Variants in PTPN3 observed in about 807,000 individuals in gnomAD.
PTPN3 encodes the protein tyrosine-protein phosphatase non-receptor type 3.
PTPN3 carries 96 observed loss-of-function variants against 132.7 expected under a neutral mutation model. The ratio of observed to expected loss-of-function variants is 0.72; its 90% CI spans 0.61 to 0.86. The LOEUF (loss-of-function observed/expected upper bound fraction) is 0.86. PTPN3 is among the 40% of genes least tolerant of loss of function. PTPN3 has a pLI of 0.00. For synonymous variants in PTPN3, 398 were observed against 429.0 expected, an observed-to-expected ratio of 0.93 and a Z score of 0.89; for missense variants, 1,125 against 1,159.6, an observed-to-expected ratio of 0.97 and a Z score of 0.43.
chr9:109,379,733 C>T (rs1237441106), intron 25 of PTPN3, 100 bp from the exon 26 acceptor site: 2 of 1,020,654 alleles, frequency 2.0e-6, no homozygotes, highest in Non-Finnish European at 3.0e-6. Flanking sequence ...TAAATATTCC[C>T]TGAGCGCCAA....
intron 24 of PTPN3, 41 bp from the exon 25 acceptor site, chr9:109,381,828 T>C: frequency 2.5e-6 from 4 of 1,612,542 alleles, no homozygotes; most frequent in Non-Finnish European, 3.4e-6. Flanking sequence ...TTTGTCTGAG[T>C]AGCCTTTCTG....
At chr9:109,415,813 G>A (rs1564414741) in intron 14 of PTPN3, among the ~76,000 whole-genome samples, 1 of 152,196 alleles carries the variant, frequency 6.6e-6, no homozygotes. Context: ...CTGAAACAAT[G>A]GCCCCCCTTA....
intron 9 of PTPN3, among the ~76,000 whole-genome samples, chr9:109,434,853 A>C (rs1427145098): frequency 6.6e-6 from 1 of 152,224 alleles, no homozygotes; most frequent in African/African-American, 2.4e-5. Flanking sequence ...GGAAGACATA[A>C]GAAACGTCCA....
chr9:109,533,041 C>T, the PTPN3 span: 3 of 303,324 alleles, frequency 9.9e-6, no homozygotes, highest in Admixed American at 1.2e-4. Context: ...CTGCAACCTC[C>T]GCTTCCCGGG....
intron 19 of PTPN3, among the ~76,000 whole-genome samples, chr9:109,391,873 G>T (rs1233418038): frequency 9.7e-6 from 1 of 103,272 alleles, no homozygotes; most frequent in Non-Finnish European, 2.0e-5. Flanking sequence ...CTAGATGTGG[G>T]GGGGGGGGGG....
intron 16 of PTPN3, among the ~76,000 whole-genome samples, chr9:109,408,796 A>T (rs200936268): frequency 0.36 from 39,180 of 107,880 alleles, 6,879 homozygotes; most frequent in South Asian, 0.52. Context: ...AAAAAAAAAA[A>T]ATATATATAT....
chr9:109,440,719 T>C (rs188983887), intron 7 of PTPN3, among the ~76,000 whole-genome samples: 3 of 152,358 alleles, frequency 2.0e-5, no homozygotes, highest in Non-Finnish European at 4.4e-5. Flanking sequence ...AGGTTATCCA[T>C]CATACCAGTT....
Position 109,410,318 on chromosome 9 carries a change from C to G in PTPN3, c.1411G>C (p.Asp471His), listed in dbSNP as rs765905557. The G allele has an allele frequency of 6.2e-7, 1 of 1,614,168 alleles. No individual in the cohort carries two copies. Residue 471 changes from aspartate (D) to histidine (H), a missense_variant, in exon 15 of 26, where the codon GAC becomes CAC. By Grantham distance (81) the Asp-to-His change is moderately conservative. Transcript: ENST00000374541. ...TCTAAGAGCTGCTGATCAACGCCGT[C>G]AGGTGAGCAGGAGCCTGGAGCATTT... ...SSNAPGSCSP[D>H]GVDQQLLDDF...
chr9:109,532,830 T>C, the PTPN3 span: 1 of 964,188 alleles, frequency 1.0e-6, no homozygotes, highest in Admixed American at 3.8e-5. Context: ...AAGTCGGAAT[T>C]TACTCAGCCC....
At chr9:109,478,278 G>T (rs1455619295) in intron 1 of PTPN3, among the ~76,000 whole-genome samples, 18 of 152,186 alleles carry the variant, frequency 1.2e-4, no homozygotes, top group Admixed American at 1.2e-3. Context: ...TTTTTAAAAA[G>T]TTGAACTTGT....
intron 19 of PTPN3, among the ~76,000 whole-genome samples, chr9:109,393,190 A>G (rs944630654): frequency 6.6e-6 from 1 of 152,148 alleles, no homozygotes; most frequent in African/African-American, 2.4e-5. Context: ...CCTACTTATT[A>G]TATAGTATCT....
chr9:109,537,704 T>A, the PTPN3 span, among the ~76,000 whole-genome samples: 1 of 152,228 alleles, frequency 6.6e-6, no homozygotes, highest in African/African-American at 2.4e-5. Flanking sequence ...CCCTCAACAA[T>A]GATCATTGCT....
intron 18 of PTPN3, 136 bp downstream of exon 18, chr9:109,406,326 G>T: frequency 1.7e-6 from 2 of 1,182,328 alleles, no homozygotes; most frequent in Non-Finnish European, 2.4e-6. Flanking sequence ...CCAAACATTC[G>T]GTTATTACCT....
chr9:109,512,871 T>C, the PTPN3 span, among the ~76,000 whole-genome samples: 1 of 152,192 alleles, frequency 6.6e-6, no homozygotes, highest in Non-Finnish European at 1.5e-5. Context: ...CATTACCTTG[T>C]TCTTTCCTTC....
At chr9:109,379,807 A>G (rs981419800) in intron 25 of PTPN3, among the ~76,000 whole-genome samples, 174 bp from the exon 26 acceptor site, 1 of 152,028 alleles carries the variant, frequency 6.6e-6, no homozygotes, top group Non-Finnish European at 1.5e-5. Flanking sequence ...GGGAGGGGGC[A>G]CTCCCAGAGA....
intron 1 of PTPN3, among the ~76,000 whole-genome samples, chr9:109,482,500 T>A (rs922515686): frequency 6.6e-6 from 1 of 152,266 alleles, no homozygotes; most frequent in South Asian, 2.1e-4. Flanking sequence ...TTATTTTCTA[T>A]GATGAGCAAT....
At chr9:109,394,268 T>C (rs1056355588) in intron 19 of PTPN3, among the ~76,000 whole-genome samples, 3 of 152,038 alleles carry the variant, frequency 2.0e-5, no homozygotes, top group Admixed American at 6.5e-5. Flanking sequence ...TTTCAAACAA[T>C]GAAAGTGTAA....
Position 109,410,367 on chromosome 9 carries a change from T to A in PTPN3, c.1362A>T (p.Ser454=), listed in dbSNP as rs757560340. The change falls in exon 15 of 26, where the codon TCA becomes TCT. Residue 454 remains serine, a synonymous_variant. Coordinates refer to ENST00000374541, the MANE Select transcript of PTPN3 (RefSeq NM_002829.4). ...NPAQSYLTQK[S]SSSVSPSSNA... is the part of the protein sequence containing the mutation. ...TTGAAGATGGAGACACAGAACTGGA[T>A]GACTTCTGGGTCAGGTAGCTTTGTG... The A allele has an allele frequency of 6.2e-7, 1 of 1,614,198 alleles. No homozygotes were observed. Among genetic ancestry groups the A allele is most frequent in the Admixed American group, 1.7e-5 (1 of 60,026 alleles).
intron 25 of PTPN3, among the ~76,000 whole-genome samples, chr9:109,381,224 A>T (rs1839049484): frequency 6.6e-6 from 1 of 152,146 alleles, no homozygotes; most frequent in African/African-American, 2.4e-5. Context: ...GGACAAGAGG[A>T]TGTTGCACAT....
Sources: allele counts gnomAD v4.1 joint callset (sites outside exome capture counted in the v4.1 genomes callset), GRCh38; gene constraint gnomAD v4.1.1; transcripts MANE v1.5; gene names NCBI Gene and HGNC (gene_info 2026-07-23, HGNC 2026-07-21).